The following CDH18 variants were observed in gnomAD, a reference collection of about 807,000 sequenced individuals.
CDH18 encodes cadherin 18, also known as cadherin-18.
Under a neutral mutation model 67.9 loss-of-function variants are expected in CDH18, and 31 were observed. The observed-to-expected ratio is 0.46, with a 90% CI of 0.34 to 0.62. The LOEUF is 0.62. Among genes scored for constraint, CDH18 ranks in the 20% least tolerant of loss-of-function variants. The probability of loss-of-function intolerance (pLI) is 0.01; values close to 1 mark genes in which losing one functional copy is unlikely to be tolerated. For synonymous variants in CDH18, 362 were observed against 347.2 expected (o/e 1.04, Z -0.48); for missense variants, 890 against 975.5 (o/e 0.91, Z 1.17).
intron 1 of CDH18, among the ~76,000 whole-genome samples, chr5:20,407,390 C>A (rs1746366753): frequency 6.6e-6 from 1 of 151,806 alleles, no homozygotes; most frequent in Admixed American, 6.6e-5. Flanking sequence ...TAGAGAACCC[C>A]CAGAATCTCC....
chr5:20,183,941 G>A (rs915248567), intron 2 of CDH18, among the ~76,000 whole-genome samples: 1 of 151,898 alleles, frequency 6.6e-6, no homozygotes, highest in African/African-American at 2.4e-5. Flanking sequence ...TTATTTTTAT[G>A]GTAGGTAATG....
intron 2 of CDH18, among the ~76,000 whole-genome samples, chr5:20,186,308 T>C (rs180998121): frequency 1.3e-5 from 2 of 152,048 alleles, no homozygotes; most frequent in African/African-American, 4.8e-5. Flanking sequence ...TTTATCAATA[T>C]TATTGGTTTT....
chr5:19,528,117 G>A (rs1748028052), intron 9 of CDH18, among the ~76,000 whole-genome samples: 1 of 151,564 alleles, frequency 6.6e-6, no homozygotes, highest in Non-Finnish European at 1.5e-5. Flanking sequence ...TGTCACAATT[G>A]GCCCACTCAA....
intron 2 of CDH18, among the ~76,000 whole-genome samples, chr5:20,117,138 C>T (rs114464295): frequency 1.3e-5 from 2 of 151,904 alleles, no homozygotes; most frequent in South Asian, 2.1e-4. Flanking sequence ...ACATGTTTTA[C>T]ATTTAAATTT....
chr5:20,048,754 T>C (rs1741132843), intron 2 of CDH18, among the ~76,000 whole-genome samples: 1 of 151,644 alleles, frequency 6.6e-6, no homozygotes, highest in African/African-American at 2.4e-5. Flanking sequence ...ATAAATCTTC[T>C]GATATATTAT....
At chr5:20,514,376 G>A (rs748598854) in intron 1 of CDH18, among the ~76,000 whole-genome samples, 1 of 152,108 alleles carries the variant, frequency 6.6e-6, no homozygotes, top group Non-Finnish European at 1.5e-5. Context: ...GCAGCTTCTT[G>A]TATCAGGTTG....
At chr5:20,360,350 G>A (rs1741989000) in intron 1 of CDH18, among the ~76,000 whole-genome samples, 1 of 152,046 alleles carries the variant, frequency 6.6e-6, no homozygotes, top group South Asian at 2.1e-4. Flanking sequence ...ACCTCTTCAT[G>A]CTGGCACAGT....
At chr5:19,725,549 C>T (rs1766726752) in intron 4 of CDH18, among the ~76,000 whole-genome samples, 1 of 152,144 alleles carries the variant, frequency 6.6e-6, no homozygotes, top group Non-Finnish European at 1.5e-5. Context: ...GCGGGTGGAT[C>T]ACCTGAGGTT....
At chr5:20,346,713 G>A (rs947683478) in intron 1 of CDH18, among the ~76,000 whole-genome samples, 7 of 151,992 alleles carry the variant, frequency 4.6e-5, no homozygotes, top group South Asian at 2.1e-4. Context: ...CATTAAGAAC[G>A]TACCAAACAG....
chr5:19,483,664 A>G (rs1739879148), intron 11 of CDH18, 112 bp from the exon 12 acceptor site: 4 of 1,174,684 alleles, frequency 3.4e-6, no homozygotes, highest in Non-Finnish European at 4.7e-6. Context: ...TCAGTTTATG[A>G]AATGGACAAG....
chr5:19,486,437 A>C (rs1256208839), intron 11 of CDH18, among the ~76,000 whole-genome samples: 1 of 152,102 alleles, frequency 6.6e-6, no homozygotes, highest in African/African-American at 2.4e-5. Flanking sequence ...CGTCTTGCTG[A>C]AATTGCAAAA....
intron 11 of CDH18, among the ~76,000 whole-genome samples, chr5:19,489,231 T>A (rs1458586271): frequency 1.3e-5 from 2 of 151,332 alleles, no homozygotes; most frequent in East Asian, 3.9e-4. Context: ...AATCTGTTAG[T>A]GTTTGTTCTT....
chr5:19,913,272 CAT>C (rs563064149), intron 2 of CDH18, among the ~76,000 whole-genome samples: 153 of 152,118 alleles, frequency 1.0e-3, no homozygotes, highest in Non-Finnish European at 1.8e-3. Context: ...TCTTTTTTCT[CAT>C]ATATGTTTTT....
chr5:20,205,037 A>G (rs1267406932), intron 2 of CDH18, among the ~76,000 whole-genome samples: 1 of 152,016 alleles, frequency 6.6e-6, no homozygotes, highest in Non-Finnish European at 1.5e-5. Context: ...AACAAGCAAC[A>G]GAATGGCAAT....
At chr5:19,833,120 T>C (rs187582639) in intron 3 of CDH18, among the ~76,000 whole-genome samples, 167 of 152,312 alleles carry the variant, frequency 1.1e-3, no homozygotes, top group East Asian at 8.1e-3. Context: ...TTGGGCAATA[T>C]GGCGATTTTC....
At chr5:19,849,599 C>T (rs552786576) in intron 2 of CDH18, among the ~76,000 whole-genome samples, 8 of 130,896 alleles carry the variant, frequency 6.1e-5, no homozygotes, top group South Asian at 2.5e-4. Context: ...TATATATAAA[C>T]ATATATATAC....
intron 5 of CDH18, among the ~76,000 whole-genome samples, chr5:19,634,024 A>G (rs772176319): frequency 5.9e-5 from 9 of 152,228 alleles, no homozygotes; most frequent in Non-Finnish European, 1.0e-4. Flanking sequence ...TACTTTGGAA[A>G]CATTGGCCAT....
At chr5:19,761,269 A>T (rs1261255665) in intron 3 of CDH18, among the ~76,000 whole-genome samples, 1 of 152,146 alleles carries the variant, frequency 6.6e-6, no homozygotes. Flanking sequence ...AAGCCAGGAG[A>T]TAGAATCTCT....
At chr5:19,899,251 T>A (rs138300913) in intron 2 of CDH18, among the ~76,000 whole-genome samples, 1,952 of 151,974 alleles carry the variant, frequency 0.013, 38 homozygotes, top group African/African-American at 0.045. Context: ...AATAGAAAAA[T>A]TAGCCAGGCA....
Sources: allele counts gnomAD v4.1 joint callset (sites outside exome capture counted in the v4.1 genomes callset), GRCh38; gene constraint gnomAD v4.1.1; transcripts MANE v1.5; gene names NCBI Gene and HGNC (gene_info 2026-07-23, HGNC 2026-07-21).